Variants in PPP6C observed in about 807,000 individuals in gnomAD.
The protein encoded by PPP6C is serine/threonine-protein phosphatase 6 catalytic subunit.
A neutral mutation model predicts 39.8 loss-of-function variants in PPP6C; 11 were observed. The ratio of observed to expected loss-of-function variants is 0.28; its 90% confidence interval spans 0.17 to 0.46. PPP6C has a LOEUF of 0.46. PPP6C is among the 20% of genes least tolerant of loss of function. The pLI is 1.00. For missense variants in PPP6C, 211 were observed against 373.9 expected, an observed-to-expected ratio of 0.56 and a Z score of 3.59; for synonymous variants, 129 against 130.3, an observed-to-expected ratio of 0.99 and a Z score of 0.07.
At chr9:125,189,204 G>A (rs1829605288) in intron 1 of PPP6C, among the ~76,000 whole-genome samples, 1 of 152,178 alleles carries the variant, frequency 6.6e-6, no homozygotes, top group Non-Finnish European at 1.5e-5. Flanking sequence ...GCCGCGTTCC[G>A]GTAGCCGGTG....
chr9:125,158,472 A>G (rs1379722052), intron 3 of PPP6C, 90 bp from the exon 4 acceptor site: 1 of 1,279,754 alleles, frequency 7.8e-7, no homozygotes, highest in East Asian at 2.4e-5. Context: ...TATAGTTTAT[A>G]ACTACAATAA....
chr9:125,168,209 T>C (rs905701358), intron 2 of PPP6C, among the ~76,000 whole-genome samples: 17 of 152,192 alleles, frequency 1.1e-4, no homozygotes, highest in Non-Finnish European at 1.8e-4. Context: ...AACTAATATA[T>C]AGCCAAGCCA....
chr9:125,157,911 G>A (rs1203179096), intron 4 of PPP6C, among the ~76,000 whole-genome samples: 1 of 151,802 alleles, frequency 6.6e-6, no homozygotes, highest in Non-Finnish European at 1.5e-5. Flanking sequence ...GGATGGTCTC[G>A]ATCTCCTGAT....
intron 3 of PPP6C, 141 bp downstream of exon 3, chr9:125,160,700 G>A (rs571411829): frequency 6.5e-5 from 34 of 523,354 alleles, no homozygotes; most frequent in Middle Eastern, 5.2e-4. Context: ...TATCAGCGGC[G>A]TGAAAACGGA....
chr9:125,178,416 T>C (rs1289414680), intron 1 of PPP6C, among the ~76,000 whole-genome samples: 1 of 148,808 alleles, frequency 6.7e-6, no homozygotes, highest in East Asian at 2.0e-4. Context: ...AGGTAGAGCA[T>C]CTTTTCATAC....
chr9:125,181,238 C>A (rs115524234), intron 1 of PPP6C, among the ~76,000 whole-genome samples: 1 of 152,194 alleles, frequency 6.6e-6, no homozygotes, highest in Non-Finnish European at 1.5e-5. Flanking sequence ...CCTCCCAAAC[C>A]CTTTACAGCT....
At position 125,149,801 on chromosome 9, in the gene PPP6C, G is replaced by A. The variant is rs763733111; in HGVS notation, c.790C>T (p.Arg264Cys). ...TVWSAPNYCY[R>C]CGNIASIMVF... is the part of the protein sequence containing the mutation. ...ATGATCGAAGCAATATTTCCACAAC[G>A]ATAGCAGTAATTAGGAGCAGACCAT... is the stretch of plus-strand genomic sequence containing the variant. Residue 264 changes from arginine (R) to cysteine (C), a missense_variant, in exon 7 of 7, where the codon CGT becomes TGT. This residue lies in a region of PPP6C where 168 missense variants were observed against 342.6 expected (regional missense o/e 0.49). Transcript: ENST00000373547. The A allele has an allele frequency of 1.2e-6, 2 of 1,614,126 alleles. No individual in the cohort carries two copies. The highest frequency in any genetic ancestry group is 1.7e-6 in the Non-Finnish European group (2 of 1,180,016).
chr9:125,176,783 TTAAC>T (rs1215861901), intron 1 of PPP6C, among the ~76,000 whole-genome samples: 1 of 152,266 alleles, frequency 6.6e-6, no homozygotes, highest in African/African-American at 2.4e-5. Context: ...TAGGTAAAAG[TTAAC>T]TGGCTTGGAC....
intron 1 of PPP6C, among the ~76,000 whole-genome samples, chr9:125,177,331 G>A (rs999016948): frequency 2.6e-5 from 4 of 151,868 alleles, no homozygotes; most frequent in Non-Finnish European, 4.4e-5. Flanking sequence ...CAGAGATGGC[G>A]CCACTGCACT....
Position 125,175,074 on chromosome 9 carries a change from T to C in PPP6C, c.76-3894A>G, listed in dbSNP as rs570396465. Among the ~76,000 whole-genome samples, 5 of 151,782 alleles carry C rather than the reference T, an allele frequency of 3.3e-5. No homozygotes were observed. In the South Asian group the frequency reaches 6.2e-4, roughly 19 times the overall value. On this transcript the variant is annotated intron_variant, in intron 1 of 6. Coordinates refer to ENST00000373547, the MANE Select transcript of PPP6C (RefSeq NM_002721.5). ...AATACAAATACTTAGCTGGGCGTGGTGGCAGGGCGCTGGTAATCCTGTACT... is the reference window on the plus strand; with the variant it reads ...AATACAAATACTTAGCTGGGCGTGGCGGCAGGGCGCTGGTAATCCTGTACT...
At chr9:125,178,432 T>C (rs1004264049) in intron 1 of PPP6C, among the ~76,000 whole-genome samples, 44 of 112,066 alleles carry the variant, frequency 3.9e-4, no homozygotes, top group African/African-American at 1.4e-3. Context: ...CATACGCTTA[T>C]TTGTCATCAC....
chr9:125,188,144 G>A (rs545027741), intron 1 of PPP6C, among the ~76,000 whole-genome samples: 1 of 152,288 alleles, frequency 6.6e-6, no homozygotes, highest in Admixed American at 6.5e-5. Flanking sequence ...CCAGCACTTT[G>A]GGAGGCCGAG....
chr9:125,164,218 CTTTTTTTTT>C (rs10684647), intron 2 of PPP6C, among the ~76,000 whole-genome samples: 38 of 74,792 alleles, frequency 5.1e-4, no homozygotes, highest in African/African-American at 1.7e-3. Context: ...CCCTCACTCT[CTTTTTTTTT>C]TTTTTTTTTT....
rs1168730026 is a variant in PPP6C at position 125,186,938 on chromosome 9, C to CTTTTTTTT, written c.75+2698_75+2705dup. ...AAAGAAGTCCAACAGATTTTTCTTT[C>CTTTTTTTT]TTTTTTTTTTTTTTTTTTTTTTTGG... On this transcript the variant is annotated intron_variant, in intron 1 of 6. Transcript: ENST00000373547. Among the ~76,000 whole-genome samples the CTTTTTTTT allele has an allele frequency of 1.7e-3, 141 of 83,674 alleles. 4 individuals are homozygous for CTTTTTTTT. Among genetic ancestry groups the CTTTTTTTT allele is most frequent in the African/African-American group, 4.5e-3 (90 of 19,832 alleles). The allele number at this position is 83,674 out of a possible 152,430, so 54.9% of individuals were successfully genotyped here.
At chr9:125,153,450 A>C (rs566446020) in intron 6 of PPP6C, 83 bp downstream of exon 6, 1 of 1,309,598 alleles carries the variant, frequency 7.6e-7, no homozygotes, top group African/African-American at 1.5e-5. Context: ...CTAGACTACA[A>C]GTTTGTTATC....
At chr9:125,172,808 G>T (rs1829205402) in intron 1 of PPP6C, among the ~76,000 whole-genome samples, 1 of 151,804 alleles carries the variant, frequency 6.6e-6, no homozygotes, top group South Asian at 2.1e-4. Flanking sequence ...AACATCATGA[G>T]GTGATGATCT....
At chr9:125,176,085 G>A (rs1829292064) in intron 1 of PPP6C, among the ~76,000 whole-genome samples, 1 of 152,084 alleles carries the variant, frequency 6.6e-6, no homozygotes, top group South Asian at 2.1e-4. Flanking sequence ...AGTGAATTTT[G>A]AGCAAAACTC....
At chr9:125,186,934 CTTTCTTTTT>C (rs1254619883) in intron 1 of PPP6C, among the ~76,000 whole-genome samples, 36 of 104,226 alleles carry the variant, frequency 3.5e-4, no homozygotes, top group African/African-American at 1.4e-3. Context: ...ACAGATTTTT[CTTTCTTTTT>C]TTTTTTTTTT....
chr9:125,171,280 C>T, intron 1 of PPP6C, 100 bp from the exon 2 acceptor site: 1 of 874,586 alleles, frequency 1.1e-6, no homozygotes, highest in Non-Finnish European at 1.7e-6. Context: ...CTTACAAAAC[C>T]CAAGTATACT....
Sources: gnomAD v4.1 joint callset for allele counts (sites outside exome capture counted in the v4.1 genomes callset) on GRCh38, gnomAD v4.1.1 for gene constraint, gnomAD v4.1.1 regional missense constraint, MANE v1.5 for transcripts, NCBI Gene and HGNC (gene_info 2026-07-23, HGNC 2026-07-21) for gene names.